Variants in DNAJB6 observed in about 807,000 individuals in gnomAD.
DNAJB6 encodes DnaJ heat shock protein family (Hsp40) member B6.
A neutral mutation model predicts 42.7 loss-of-function variants in DNAJB6; 16 were observed. That is an observed-to-expected ratio of 0.37 (90% CI 0.25 to 0.57). The LOEUF (loss-of-function observed/expected upper bound fraction) is 0.57, where lower values mean the gene tolerates loss of function less well. Ranked by LOEUF, DNAJB6 falls within the 20% of genes least tolerant of loss-of-function variation. DNAJB6 has a pLI of 0.74. For synonymous variants in DNAJB6, 170 were observed against 163.5 expected (o/e 1.04, Z -0.30); for missense variants, 347 against 416.8 (o/e 0.83, Z 1.46).
chr7:157,359,073 T>G (rs1315327958), intron 2 of DNAJB6, among the ~76,000 whole-genome samples: 4 of 152,156 alleles, frequency 2.6e-5, no homozygotes, highest in Non-Finnish European at 5.9e-5. Flanking sequence ...GCGCTGCCTG[T>G]GGTACCTGCA....
chr7:157,362,530 ATGCCCGGCTAATTT>A (rs1252395721), intron 2 of DNAJB6, among the ~76,000 whole-genome samples: 1 of 152,000 alleles, frequency 6.6e-6, no homozygotes, highest in African/African-American at 2.4e-5. Flanking sequence ...AAGTACCACA[ATGCCCGGCTAATTT>A]TGTATTTTTA....
chr7:157,379,545 G>A (rs1463341021), intron 5 of DNAJB6: 2 of 152,158 alleles, frequency 1.3e-5, no homozygotes, highest in African/African-American at 2.4e-5. Context: ...GCTGTCGACA[G>A]GTGTGATCAT....
At chr7:157,387,832 T>G (rs1166766532) in intron 8 of DNAJB6, among the ~76,000 whole-genome samples, 4 of 151,944 alleles carry the variant, frequency 2.6e-5, no homozygotes, top group East Asian at 1.9e-4. Context: ...AAAACTACTG[T>G]TTTGTTTGTT....
intron 5 of DNAJB6, 65 bp from the exon 6 acceptor site, chr7:157,382,181 G>T: frequency 6.7e-7 from 1 of 1,489,978 alleles, no homozygotes; most frequent in Non-Finnish European, 9.0e-7. Context: ...TCTTACTGTA[G>T]CTATCACATG....
At chr7:157,394,264 G>T (rs1192671238) in intron 8 of DNAJB6, among the ~76,000 whole-genome samples, 1 of 152,152 alleles carries the variant, frequency 6.6e-6, no homozygotes, top group Non-Finnish European at 1.5e-5. Flanking sequence ...TTTTTGGAAG[G>T]AAGGGTTAAG....
chr7:157,339,051 C>T (rs1798200787), intron 1 of DNAJB6, among the ~76,000 whole-genome samples: 1 of 152,180 alleles, frequency 6.6e-6, no homozygotes, highest in South Asian at 2.1e-4. Context: ...ACAGTTTTTC[C>T]GGAACACTAG....
intron 5 of DNAJB6, among the ~76,000 whole-genome samples, chr7:157,367,824 A>G (rs1799917536): frequency 1.3e-5 from 2 of 152,050 alleles, no homozygotes; most frequent in South Asian, 2.1e-4. Flanking sequence ...ATGCCATTGC[A>G]TTGTTGTCTG....
At chr7:157,395,684 C>CTTTTTTTTT (rs869242320) in intron 8 of DNAJB6, among the ~76,000 whole-genome samples, 2 of 131,894 alleles carry the variant, frequency 1.5e-5, no homozygotes, top group East Asian at 2.2e-4. Flanking sequence ...TTTTTCTTTT[C>CTTTTTTTTT]TTTTTTTTTT....
chr7:157,397,393 G>A lies in DNAJB6; in HGVS notation c.691+11782G>A, dbSNP rs116725543. Among the ~76,000 whole-genome samples, 481 of 152,324 alleles carry A rather than the reference G, an allele frequency of 3.2e-3. 3 individuals are homozygous for A. Among genetic ancestry groups the A allele is most frequent in the African/African-American group, 0.011 (459 of 41,582 alleles). ...AATGGTGTCCTGCAGGTGCTGGGCC[G>A]GAACCTCTGTGTCGCTGCGGTGGTG... On this transcript the variant is annotated intron_variant, in intron 8 of 9. Coordinates refer to ENST00000262177, the MANE Select transcript of DNAJB6 (RefSeq NM_058246.4).
chr7:157,379,758 C>T (rs1267760703), intron 5 of DNAJB6: 2 of 150,752 alleles, frequency 1.3e-5, no homozygotes, highest in Non-Finnish European at 2.9e-5. Flanking sequence ...GGAGCTGGAA[C>T]TACAGATATA....
intron 8 of DNAJB6, among the ~76,000 whole-genome samples, chr7:157,408,891 C>T (rs1795866506): frequency 2.0e-5 from 3 of 152,206 alleles, no homozygotes; most frequent in Non-Finnish European, 2.9e-5. Flanking sequence ...TTTACATCTG[C>T]GCAGGGCTCG....
intron 3 of DNAJB6, among the ~76,000 whole-genome samples, chr7:157,365,963 T>A (rs1035773703): frequency 2.8e-5 from 3 of 106,444 alleles, no homozygotes; most frequent in African/African-American, 6.0e-5. Flanking sequence ...CTCGCGTGGC[T>A]AAGTCCCCCC....
At chr7:157,383,835 A>G (rs1000562840) in intron 6 of DNAJB6, among the ~76,000 whole-genome samples, 1 of 152,256 alleles carries the variant, frequency 6.6e-6, no homozygotes, top group Non-Finnish European at 1.5e-5. Flanking sequence ...AAGATGGAAC[A>G]TGGGAAGCAG....
chr7:157,351,483 A>G (rs927416939), intron 1 of DNAJB6, among the ~76,000 whole-genome samples: 12 of 151,920 alleles, frequency 7.9e-5, no homozygotes, highest in Non-Finnish European at 1.6e-4. Flanking sequence ...CAAAAAAAAA[A>G]TTGGCCAGGT....
intron 1 of DNAJB6, among the ~76,000 whole-genome samples, chr7:157,356,975 G>GT (rs1799310780): frequency 1.3e-5 from 2 of 149,648 alleles, no homozygotes; most frequent in Admixed American, 6.6e-5. Context: ...ATAGTTTTTT[G>GT]TTTTTTTGAT....
At chr7:157,351,163 A>G (rs866662902) in intron 1 of DNAJB6, among the ~76,000 whole-genome samples, 3 of 151,654 alleles carry the variant, frequency 2.0e-5, no homozygotes, top group Non-Finnish European at 4.4e-5. Flanking sequence ...CGAACTCTCT[A>G]CCTCAGGTGA....
intron 2 of DNAJB6, among the ~76,000 whole-genome samples, chr7:157,361,269 C>T (rs1799575065): frequency 1.3e-5 from 2 of 151,894 alleles, no homozygotes; most frequent in Admixed American, 1.3e-4. Flanking sequence ...GGCGATTCTC[C>T]TGCCTTAGCC....
intron 1 of DNAJB6, among the ~76,000 whole-genome samples, chr7:157,357,820 G>A (rs1584895012): frequency 1.3e-5 from 2 of 152,174 alleles, no homozygotes; most frequent in African/African-American, 2.4e-5. Context: ...GTTGAACCAC[G>A]TAATCCATAG....
At chr7:157,351,607 T>A (rs1798976708) in intron 1 of DNAJB6, among the ~76,000 whole-genome samples, 2 of 150,870 alleles carry the variant, frequency 1.3e-5, no homozygotes, top group African/African-American at 4.9e-5. Flanking sequence ...CACTCCAGCC[T>A]GGGTGACATA....
Sources: allele counts gnomAD v4.1 joint callset (sites outside exome capture counted in the v4.1 genomes callset), GRCh38; gene constraint gnomAD v4.1.1; transcripts MANE v1.5; gene names NCBI Gene and HGNC (gene_info 2026-07-23, HGNC 2026-07-21).